The following TM7SF3 variants were observed in gnomAD, a reference collection of about 807,000 sequenced individuals.
TM7SF3 encodes the protein transmembrane 7 superfamily member 3.
A neutral mutation model predicts 65.5 loss-of-function variants in TM7SF3; 60 were observed. The ratio of observed to expected loss-of-function variants is 0.92; its 90% CI spans 0.74 to 1.14. The LOEUF (loss-of-function observed/expected upper bound fraction) is 1.14, where lower values mean the gene tolerates loss of function less well. TM7SF3 is among the 50% of genes most tolerant of loss of function. The pLI, the probability that TM7SF3 is intolerant of heterozygous loss-of-function variation, is 0.00. For missense variants in TM7SF3, 623 were observed against 684.8 expected (o/e 0.91, Z 1.01); for synonymous variants, 264 against 259.6 (o/e 1.02, Z -0.16).
intron 9 of TM7SF3, 33 bp downstream of exon 9, chr12:26,979,751 G>A (rs770298459): frequency 4.4e-6 from 7 of 1,605,186 alleles, no homozygotes; most frequent in Middle Eastern, 1.7e-4. Flanking sequence ...ACAGTCACTC[G>A]AACACACAAA....
intron 5 of TM7SF3, among the ~76,000 whole-genome samples, chr12:26,991,208 A>C (rs1463778865): frequency 1.4e-5 from 2 of 137,984 alleles, no homozygotes; most frequent in Middle Eastern, 3.7e-3. Flanking sequence ...TGCGGACTGC[A>C]GTGGCGCAAT....
chr12:26,995,109 A>G, intron 5 of TM7SF3, 128 bp downstream of exon 5: 1 of 929,940 alleles, frequency 1.1e-6, no homozygotes, highest in Non-Finnish European at 1.6e-6. Context: ...ATAACAAAAG[A>G]GAATAAAGTG....
At chr12:26,978,183 A>G in intron 9 of TM7SF3, 1 of 323,010 alleles carries the variant, frequency 3.1e-6, no homozygotes, top group Middle Eastern at 4.3e-4. Flanking sequence ...GTTCATAAAC[A>G]AACATATATA....
At chr12:27,001,864 G>A (rs1043735951) in intron 2 of TM7SF3, among the ~76,000 whole-genome samples, 1 of 152,190 alleles carries the variant, frequency 6.6e-6, no homozygotes, top group Non-Finnish European at 1.5e-5. Flanking sequence ...TCCTTTCTAA[G>A]GAAGTTATGA....
At chr12:26,990,322 G>C in intron 6 of TM7SF3, 128 bp downstream of exon 6, 1 of 634,288 alleles carries the variant, frequency 1.6e-6, no homozygotes, top group Non-Finnish European at 2.7e-6. Flanking sequence ...CTATGTCCCA[G>C]TGCCTAGAAC....
intron 9 of TM7SF3, among the ~76,000 whole-genome samples, chr12:26,976,726 C>T (rs1939583664): frequency 6.6e-6 from 1 of 152,174 alleles, no homozygotes; most frequent in Non-Finnish European, 1.5e-5. Flanking sequence ...CACCTGTTAG[C>T]TCTACATTGC....
intron 9 of TM7SF3, among the ~76,000 whole-genome samples, chr12:26,977,496 G>A (rs1314191040): frequency 6.6e-6 from 1 of 152,222 alleles, no homozygotes; most frequent in African/African-American, 2.4e-5. Context: ...GCTCACGCCT[G>A]TAATCCCAAC....
At chr12:26,996,693 C>G in intron 4 of TM7SF3, 49 bp downstream of exon 4, 1 of 1,563,066 alleles carries the variant, frequency 6.4e-7, no homozygotes, top group Non-Finnish European at 8.6e-7. Flanking sequence ...ACACAACTGT[C>G]GTCATGTATA....
intron 6 of TM7SF3, among the ~76,000 whole-genome samples, chr12:26,986,522 T>C (rs548586410): frequency 6.6e-6 from 1 of 152,274 alleles, no homozygotes; most frequent in South Asian, 2.1e-4. Flanking sequence ...GTGGTCCCTA[T>C]GCCTATTGTA....
chr12:26,976,653 G>A (rs148515717), intron 9 of TM7SF3, among the ~76,000 whole-genome samples: 13 of 152,302 alleles, frequency 8.5e-5, no homozygotes, highest in African/African-American at 2.6e-4. Flanking sequence ...CTAGCTCTGT[G>A]AACTTGAGCC....
intron 1 of TM7SF3, among the ~76,000 whole-genome samples, chr12:27,004,540 T>C (rs1332444339): frequency 2.6e-5 from 4 of 152,128 alleles, no homozygotes; most frequent in South Asian, 2.1e-4. Context: ...CACATTCTTA[T>C]ATACCATGTC....
At chr12:27,000,952 G>A (rs1029254290) in intron 2 of TM7SF3, among the ~76,000 whole-genome samples, 1 of 151,908 alleles carries the variant, frequency 6.6e-6, no homozygotes, top group Non-Finnish European at 1.5e-5. Context: ...AAGCTAAAAG[G>A]TAACAGACTC....
chr12:27,010,370 G>C (rs1394629434), intron 1 of TM7SF3, among the ~76,000 whole-genome samples: 1 of 152,238 alleles, frequency 6.6e-6, no homozygotes, highest in Non-Finnish European at 1.5e-5. Context: ...AACATGTACA[G>C]GGCATTCACA....
Position 26,988,103 on chromosome 12 carries a change from A to G in TM7SF3, c.868+2347T>C, listed in dbSNP as rs574924933. ...GACTTGTTCCAGATTATACAACTATAAAGAGACACATCGGTTAAATGCAAT... is the reference window on the plus strand; with the variant it reads ...GACTTGTTCCAGATTATACAACTATGAAGAGACACATCGGTTAAATGCAAT... On this transcript the variant is annotated intron_variant, in intron 6 of 11. Transcript: ENST00000343028. Among the ~76,000 whole-genome samples the G allele has an allele frequency of 2.0e-5, 3 of 152,314 alleles. 1 individual carries two copies. In the South Asian group the frequency reaches 6.2e-4, roughly 32 times the overall value.
chr12:26,985,719 A>T (rs1940046959), intron 6 of TM7SF3, among the ~76,000 whole-genome samples: 1 of 139,122 alleles, frequency 7.2e-6, no homozygotes, highest in Non-Finnish European at 1.5e-5. Context: ...CTTGCATTGT[A>T]TCCCTCAAGG....
At chr12:26,983,566 G>A (rs986782501) in intron 6 of TM7SF3, 7 of 455,012 alleles carry the variant, frequency 1.5e-5, no homozygotes, top group African/African-American at 1.2e-4. Flanking sequence ...GGGTGATGAG[G>A]TGGAGAGGCA....
At chr12:26,994,329 C>T (rs1940500258) in intron 5 of TM7SF3, among the ~76,000 whole-genome samples, 1 of 152,128 alleles carries the variant, frequency 6.6e-6, no homozygotes, top group Non-Finnish European at 1.5e-5. Context: ...AAATCCTGCC[C>T]TCCACAAAAA....
At chr12:26,979,974 C>G (rs1257192637) in intron 8 of TM7SF3, 38 bp from the exon 9 acceptor site, 1 of 1,612,886 alleles carries the variant, frequency 6.2e-7, no homozygotes, top group Non-Finnish European at 8.5e-7. Flanking sequence ...GGATAACCGG[C>G]AGTACTTCCA....
Position 26,973,241 on chromosome 12 carries a change from T to A in TM7SF3, c.*724A>T, listed in dbSNP as rs918117241. ...CCCAAGCTGGAGTGCAGTGACACAA[T>A]CAAGGCTCACTGTAGCCTCAATCTT... On this transcript the variant is annotated 3_prime_UTR_variant, in exon 12 of 12. Transcript: ENST00000343028. 5 of 151,496 alleles carry A rather than the reference T, an allele frequency of 3.3e-5. No homozygotes were observed. The highest frequency in any genetic ancestry group is 9.7e-5 in the African/African-American group (4 of 41,226). 9.4% of individuals were successfully genotyped at this position (151,496 alleles called of 1,614,324 possible).
Sources: allele counts gnomAD v4.1 joint callset (sites outside exome capture counted in the v4.1 genomes callset), GRCh38; gene constraint gnomAD v4.1.1; transcripts MANE v1.5; gene names NCBI Gene and HGNC (gene_info 2026-07-23, HGNC 2026-07-21).